TMEM131: variants seen among roughly 807,000 people sequenced by gnomAD.
TMEM131 encodes transmembrane protein 131.
TMEM131 carries 66 observed loss-of-function variants against 211.6 expected under a neutral mutation model. The ratio of observed to expected loss-of-function variants is 0.31; its 90% confidence interval spans 0.26 to 0.38. TMEM131 has a LOEUF of 0.38. Among genes scored for constraint, TMEM131 ranks in the 10% least tolerant of loss-of-function variants. The pLI is 1.00. For synonymous variants in TMEM131, 844 were observed against 841.3 expected, an observed-to-expected ratio of 1.00 and a Z score of -0.06; for missense variants, 2,036 against 2,299.3, an observed-to-expected ratio of 0.89 and a Z score of 2.34.
intron 31 of TMEM131, among the ~76,000 whole-genome samples, chr2:97,778,865 A>C (rs1679854505): frequency 6.6e-6 from 1 of 152,048 alleles, no homozygotes; most frequent in Admixed American, 6.5e-5. Flanking sequence ...CTGCCCTTGG[A>C]GCTTTTTCTC....
intron 7 of TMEM131, among the ~76,000 whole-genome samples, chr2:97,838,735 G>A (rs182760268): frequency 6.6e-6 from 1 of 152,222 alleles, no homozygotes; most frequent in East Asian, 1.9e-4. Context: ...GAGCCACTGC[G>A]CCTGGACCCT....
chr2:97,782,103 A>G (rs1001188774), intron 31 of TMEM131, among the ~76,000 whole-genome samples: 1 of 152,214 alleles, frequency 6.6e-6, no homozygotes, highest in Non-Finnish European at 1.5e-5. Context: ...CTTCCTGGCC[A>G]GGCACTAAGG....
chr2:97,778,073 T>C (rs1299882965), intron 31 of TMEM131, among the ~76,000 whole-genome samples: 1 of 152,202 alleles, frequency 6.6e-6, no homozygotes, highest in African/African-American at 2.4e-5. Context: ...AATTATACAA[T>C]TTTATCATGC....
intron 17 of TMEM131, among the ~76,000 whole-genome samples, 162 bp from the exon 18 acceptor site, chr2:97,811,394 G>A (rs1322714167): frequency 6.6e-6 from 1 of 152,152 alleles, no homozygotes; most frequent in Non-Finnish European, 1.5e-5. Flanking sequence ...TCAAAATAGT[G>A]TCCATCCCTT....
At chr2:97,888,871 GT>G (rs1192744218) in intron 3 of TMEM131, among the ~76,000 whole-genome samples, 2 of 152,154 alleles carry the variant, frequency 1.3e-5, no homozygotes, top group Non-Finnish European at 2.9e-5. Context: ...TTTCAAAATA[GT>G]AGATTTTGAT....
At chr2:97,943,296 C>T (rs888060118) in intron 1 of TMEM131, among the ~76,000 whole-genome samples, 4 of 152,096 alleles carry the variant, frequency 2.6e-5, no homozygotes, top group South Asian at 2.1e-4. Flanking sequence ...GAAAACATCA[C>T]GTTCCAAATT....
Position 97,795,388 on chromosome 2 carries a change from G to A in TMEM131, c.3201-273C>T, listed in dbSNP as rs2104898968. Among the ~76,000 whole-genome samples the A allele has an allele frequency of 2.0e-5, 3 of 152,202 alleles. No individual in the cohort carries two copies. In the South Asian group the frequency reaches 6.2e-4, roughly 32 times the overall value. ...TTCAGAAAATGGTCCTGAGCTTCAT[G>A]TCCTTCTCTCCTTCTTTCTTCTTTA... is the stretch of plus-strand genomic sequence containing the variant. On this transcript the variant is annotated intron_variant, in intron 28 of 40. Transcript: ENST00000186436.
chr2:97,791,520 G>A (rs901082676), intron 31 of TMEM131, among the ~76,000 whole-genome samples: 2 of 152,152 alleles, frequency 1.3e-5, no homozygotes, highest in Non-Finnish European at 1.5e-5. Flanking sequence ...TGGGCCCTCC[G>A]TCCAACAGTC....
intron 2 of TMEM131, among the ~76,000 whole-genome samples, chr2:97,914,633 G>T (rs1162048825): frequency 6.6e-6 from 1 of 152,160 alleles, no homozygotes; most frequent in Non-Finnish European, 1.5e-5. Context: ...TCATGCACAT[G>T]TAACCTTTTG....
intron 24 of TMEM131, among the ~76,000 whole-genome samples, chr2:97,802,205 G>A (rs898902147): frequency 6.6e-6 from 1 of 152,126 alleles, no homozygotes; most frequent in Admixed American, 6.5e-5. Flanking sequence ...ATTTTTAGAA[G>A]GGAGTTCCAT....
intron 33 of TMEM131, among the ~76,000 whole-genome samples, chr2:97,769,376 C>T (rs1443941400): frequency 6.6e-6 from 1 of 151,908 alleles, no homozygotes; most frequent in Non-Finnish European, 1.5e-5. Flanking sequence ...TTTATTTTTG[C>T]TTTTCACAAC....
intron 4 of TMEM131, among the ~76,000 whole-genome samples, chr2:97,874,073 G>A (rs1674594970): frequency 6.6e-6 from 1 of 152,202 alleles, no homozygotes; most frequent in Non-Finnish European, 1.5e-5. Flanking sequence ...ACTTTGTGAA[G>A]CATACACAAG....
intron 11 of TMEM131, among the ~76,000 whole-genome samples, chr2:97,832,037 C>T (rs1278187174): frequency 7.7e-6 from 1 of 130,396 alleles, no homozygotes; most frequent in Admixed American, 7.8e-5. Context: ...GCAGCTCTAA[C>T]TCAGCTTTCC....
In TMEM131 at chr2:97,757,081, G is replaced by T; in HGVS notation, c.*18C>A. On this transcript the variant is annotated 3_prime_UTR_variant, in exon 41 of 41. Transcript: ENST00000186436. ...ATCTAGACGAGGGCCCACTATGTTT[G>T]TTTGTTTTTTGCTTAATTTAATTCT... The T allele has an allele frequency of 6.4e-7, 1 of 1,568,228 alleles. No homozygotes were observed. The highest frequency in any genetic ancestry group is 8.7e-7 in the Non-Finnish European group (1 of 1,153,506).
intron 40 of TMEM131, among the ~76,000 whole-genome samples, chr2:97,758,176 G>A (rs1678608358): frequency 6.6e-6 from 1 of 152,114 alleles, no homozygotes; most frequent in Non-Finnish European, 1.5e-5. Flanking sequence ...TTAAAGAATG[G>A]TTAAGGTGGT....
chr2:97,922,630 A>C (rs1676792743), intron 2 of TMEM131, among the ~76,000 whole-genome samples: 1 of 152,194 alleles, frequency 6.6e-6, no homozygotes, highest in Non-Finnish European at 1.5e-5. Flanking sequence ...AAAAAAATAC[A>C]AACTGTATGA....
intron 33 of TMEM131, among the ~76,000 whole-genome samples, chr2:97,771,500 T>G (rs1471787780): frequency 6.6e-6 from 1 of 152,198 alleles, no homozygotes; most frequent in Non-Finnish European, 1.5e-5. Flanking sequence ...TGTCTTCCTT[T>G]TAAATTTACA....
At chr2:97,790,090 G>A (rs1434626679) in intron 31 of TMEM131, among the ~76,000 whole-genome samples, 1 of 152,148 alleles carries the variant, frequency 6.6e-6, no homozygotes, top group East Asian at 1.9e-4. Context: ...AAAAAAGAAC[G>A]TGTTGCCTCT....
intron 1 of TMEM131, among the ~76,000 whole-genome samples, chr2:97,970,436 C>T (rs574205700): frequency 6.6e-6 from 1 of 152,322 alleles, no homozygotes; most frequent in South Asian, 2.1e-4. Flanking sequence ...TATCTGAAAA[C>T]TAACATTTCA....
Sources: gnomAD v4.1 joint callset for allele counts (sites outside exome capture counted in the v4.1 genomes callset) on GRCh38, gnomAD v4.1.1 for gene constraint, MANE v1.5 for transcripts, NCBI Gene and HGNC (gene_info 2026-07-23, HGNC 2026-07-21) for gene names.